The following MASP2 variants were observed in gnomAD, a reference collection of about 807,000 sequenced individuals.
MASP2 encodes the protein MBL associated serine protease 2.
MASP2 carries 49 observed loss-of-function variants against 57.1 expected under a neutral mutation model. The ratio of observed to expected loss-of-function variants is 0.86; its 90% CI spans 0.68 to 1.09. MASP2 has a LOEUF of 1.09. MASP2 is among the 50% of genes least tolerant of loss of function. The pLI, the probability that MASP2 is intolerant of heterozygous loss-of-function variation, is 0.00. For synonymous variants in MASP2, 379 were observed against 340.8 expected (o/e 1.11, Z -1.24); for missense variants, 900 against 874.8 (o/e 1.03, Z -0.36).
rs767257927 is a variant in MASP2 at position 11,026,914 on chromosome 1, A to G, written c.2032T>C (p.Trp678Arg). The change falls in exon 11 of 11, where the codon TGG (tryptophan) becomes CGG (arginine). Residue 678 changes from tryptophan (W) to arginine (R), a missense_variant. By Grantham distance (101) the Trp-to-Arg change is moderately radical (BLOSUM62 -3). Transcript: ENST00000400897. ...VYTKVINYIP[W>R]IENIISDF is the part of the protein sequence containing the mutation. ...AAATCACTAATTATGTTCTCGATCC[A>G]GGGAATATAGTTAATAACTTTTGTG... 2 of 1,494,402 alleles carry G rather than the reference A, an allele frequency of 1.3e-6. No homozygotes were observed. The highest frequency in any genetic ancestry group is 1.8e-6 in the Non-Finnish European group (2 of 1,122,864). 92.6% of individuals were successfully genotyped at this position (1,494,402 alleles called of 1,614,324 possible). A position where few individuals can be genotyped will look rare whatever the true frequency, so the allele number is the denominator to read the frequency against.
In MASP2 at chr1:11,043,489, G is replaced by A. The variant is rs750213898; in HGVS notation, c.591C>T (p.Ser197=). ...QVFTQRSGEL[S]SPEYPRPYPK... ...GATACGGCCGTGGGTATTCAGGGCT[G>A]CTGAGCTCCCCAGACCTCTGGGTGA... is the stretch of plus-strand genomic sequence containing the variant. The change falls in exon 5 of 11, where the codon AGC becomes AGT. Residue 197 remains serine, a synonymous_variant. Coordinates refer to ENST00000400897, the MANE Select transcript of MASP2 (RefSeq NM_006610.4). 8.1e-5 allele frequency: 131 copies of A among 1,608,490 alleles called. No homozygotes were observed. Among genetic ancestry groups the A allele is most frequent in the Middle Eastern group, 1.7e-4 (1 of 5,798 alleles).
chr1:11,036,208 A>G (rs1643884686), intron 7 of MASP2, among the ~76,000 whole-genome samples: 1 of 152,208 alleles, frequency 6.6e-6, no homozygotes, highest in African/African-American at 2.4e-5. Context: ...GTGTTAAGTC[A>G]GAAACTAAAG....
intron 6 of MASP2, among the ~76,000 whole-genome samples, chr1:11,038,510 C>G (rs1449599641): frequency 6.6e-6 from 1 of 152,236 alleles, no homozygotes; most frequent in Non-Finnish European, 1.5e-5. Context: ...CTGGCCTCCA[C>G]TCACCCCAAG....
chr1:11,037,121 C>T (rs1205569980), intron 7 of MASP2, among the ~76,000 whole-genome samples: 1 of 152,060 alleles, frequency 6.6e-6, no homozygotes, highest in Non-Finnish European at 1.5e-5. Context: ...GGTGTGATTT[C>T]GGCTCACCGC....
chr1:11,043,035 C>G lies in MASP2; in HGVS notation c.742-13G>C, dbSNP rs1638508902. 1.2e-6 allele frequency: 2 copies of G among 1,612,358 alleles called. No homozygotes were observed. The highest frequency in any genetic ancestry group is 3.3e-5 in the Admixed American group (2 of 59,956). ...TGTCTGTTTGAATCTGAGAAAGAAG[C>G]TCATGAAAGCTGGGGAGCAGCTGCC... On this transcript the variant is annotated splice_polypyrimidine_tract_variant and intron_variant, in intron 5 of 10. Coordinates refer to ENST00000400897, the MANE Select transcript of MASP2 (RefSeq NM_006610.4).
intron 3 of MASP2, chr1:11,045,827 G>T (rs1638622116): frequency 2.0e-6 from 1 of 496,714 alleles, no homozygotes; most frequent in Admixed American, 3.3e-5. Flanking sequence ...AAACCCAGGG[G>T]GCGGGGCTAC....
chr1:11,035,298 TGGATCA>T lies in MASP2; in HGVS notation c.1009-398_1009-393del, dbSNP rs553208459. Among the ~76,000 whole-genome samples the T allele has an allele frequency of 1.8e-3, 267 of 151,692 alleles. 2 individuals carry two copies. Among genetic ancestry groups the T allele is most frequent in the African/African-American group, 6.2e-3 (256 of 41,316 alleles). On this transcript the variant is annotated intron_variant, in intron 7 of 10. Transcript: ENST00000400897. ...CGACACTCCTGGAGACCAAGGCGGG[TGGATCA>T]CTTGAGGTGAGGAGTTCAAGACCAG... is the stretch of plus-strand genomic sequence containing the variant.
intron 7 of MASP2, among the ~76,000 whole-genome samples, chr1:11,035,368 A>G (rs1057392896): frequency 6.6e-6 from 1 of 151,592 alleles, no homozygotes; most frequent in African/African-American, 2.4e-5. Flanking sequence ...TACTAAAAAA[A>G]TACAAAAAAT....
intron 8 of MASP2, among the ~76,000 whole-genome samples, chr1:11,031,395 AGCGGGCGCCT>A (rs1433964056): frequency 3.3e-5 from 5 of 151,420 alleles, no homozygotes; most frequent in African/African-American, 1.2e-4. Flanking sequence ...CAGGCGTGGT[AGCGGGCGCCT>A]GTAGTCCCAG....
In MASP2 at chr1:11,026,753, GAGTC is replaced by G; in HGVS notation, c.*128_*131del. The G allele has an allele frequency of 3.1e-6, 2 of 654,340 alleles. No homozygotes were observed. The highest frequency in any genetic ancestry group is 2.4e-6 in the Non-Finnish European group (1 of 421,298). The allele number at this position is 654,340 out of a possible 1,614,324, so 40.5% of individuals were successfully genotyped here. Reference sequence around the variant, plus strand: ...GGAGAAATGACAGCAGCCTCACCTGGAGTCTGTTTTTTTGGGTGGAGCAACAACT... The same window carrying G: ...GGAGAAATGACAGCAGCCTCACCTGGTGTTTTTTTGGGTGGAGCAACAACT... On this transcript the variant is annotated 3_prime_UTR_variant, in exon 11 of 11. Transcript: ENST00000400897.
At chr1:11,043,257 G>A in intron 5 of MASP2, 82 bp downstream of exon 5, 1 of 1,261,448 alleles carries the variant, frequency 7.9e-7, no homozygotes, top group African/African-American at 1.5e-5. Flanking sequence ...GAACGTGGTG[G>A]GGGCCATGCT....
At chr1:11,045,821 C>T (rs1043944897) in intron 3 of MASP2, 14 of 505,130 alleles carry the variant, frequency 2.8e-5, no homozygotes, top group African/African-American at 2.7e-4. Flanking sequence ...TCAATCAAAC[C>T]CAGGGGGCGG....
rs1159593071 is a variant in MASP2 at position 11,041,738 on chromosome 1, AAGAATGGGTGGGTGGGTGGATGGATG to A, written c.889+1111_889+1136del. Among the ~76,000 whole-genome samples the A allele has an allele frequency of 4.6e-3, 608 of 131,708 alleles. 1 individual carries two copies. Among genetic ancestry groups the A allele is most frequent in the Middle Eastern group, 0.011 (2 of 180 alleles). The allele number at this position is 131,708 out of a possible 152,430, so 86.4% of individuals were successfully genotyped here. Reference sequence around the variant, plus strand: ...GAATGGATGGATGGATGGATGGGTGAAGAATGGGTGGGTGGGTGGATGGATGGAAGAATGGGTGGATGGATGGATGG... The same window carrying A: ...GAATGGATGGATGGATGGATGGGTGAGAAGAATGGGTGGATGGATGGATGG... On this transcript the variant is annotated intron_variant, in intron 6 of 10. Coordinates refer to ENST00000400897, the MANE Select transcript of MASP2 (RefSeq NM_006610.4).
chr1:11,030,497 TTGACTTGTTAAA>T (rs1643826074), intron 9 of MASP2: 1 of 577,670 alleles, frequency 1.7e-6, no homozygotes, highest in East Asian at 2.9e-5. Flanking sequence ...TGATAAGGTG[TTGACTTGTTAAA>T]TTAAACCATT....
At chr1:11,046,760 G>A (rs1638654133) in intron 2 of MASP2, 27 bp from the exon 3 acceptor site, 1 of 1,604,448 alleles carries the variant, frequency 6.2e-7, no homozygotes, top group Non-Finnish European at 8.5e-7. Context: ...CACAGGGAGT[G>A]AAGGCAAGAC....
intron 4 of MASP2, chr1:11,045,186 A>G (rs765169443): frequency 1.3e-6 from 1 of 773,476 alleles, no homozygotes; most frequent in South Asian, 1.5e-5. Flanking sequence ...ACACAGTGGG[A>G]TGTTAGAATT....
Position 11,045,980 on chromosome 1 carries a change from A to C in MASP2, c.413-441T>G, listed in dbSNP as rs1026170735. 3 of 202,572 alleles carry C rather than the reference A, an allele frequency of 1.5e-5. No homozygotes were observed. The East Asian group carries it at 3.7e-4, about 25-fold the overall frequency. 12.5% of individuals were successfully genotyped at this position (202,572 alleles called of 1,614,324 possible). A position where few individuals can be genotyped will look rare whatever the true frequency, so the allele number is the denominator to read the frequency against. On this transcript the variant is annotated intron_variant, in intron 3 of 10. Coordinates refer to ENST00000400897, the MANE Select transcript of MASP2 (RefSeq NM_006610.4). Reference sequence around the variant, plus strand: ...CCCGCTGGCAGGGCCCCACTTTGTCAGCTGTAAATGGGGCCCTCGGCCCCT... The same window carrying C: ...CCCGCTGGCAGGGCCCCACTTTGTCCGCTGTAAATGGGGCCCTCGGCCCCT...
At chr1:11,030,594 A>T in intron 9 of MASP2, 154 bp downstream of exon 9, 1 of 812,118 alleles carries the variant, frequency 1.2e-6, no homozygotes. Flanking sequence ...CATTAAAGTC[A>T]CTTTAGCTAT....
At chr1:11,046,530 A>T in intron 3 of MASP2, 26 bp downstream of exon 3, 1 of 1,613,326 alleles carries the variant, frequency 6.2e-7, no homozygotes, top group Non-Finnish European at 8.5e-7. Flanking sequence ...GCAGACTGAG[A>T]TGTTGCAGGA....
Sources: allele counts gnomAD v4.1 joint callset (sites outside exome capture counted in the v4.1 genomes callset), GRCh38; gene constraint gnomAD v4.1.1; transcripts MANE v1.5; gene names NCBI Gene and HGNC (gene_info 2026-07-23, HGNC 2026-07-21).